DYNC1I2: variants seen among roughly 807,000 people sequenced by gnomAD.
DYNC1I2 encodes cytoplasmic dynein 1 intermediate chain 2.
A neutral mutation model predicts 88.6 loss-of-function variants in DYNC1I2; 53 were observed. The observed-to-expected ratio is 0.60, with a 90% CI of 0.48 to 0.75. DYNC1I2 has a LOEUF of 0.75. DYNC1I2 is among the 30% of genes least tolerant of loss of function. DYNC1I2 has a pLI of 0.00. For synonymous variants in DYNC1I2, 198 were observed against 254.6 expected (o/e 0.78, Z 2.12); for missense variants, 458 against 766.6 (o/e 0.60, Z 4.75).
At chr2:171,694,222 A>T (rs1215200679) in intron 3 of DYNC1I2, among the ~76,000 whole-genome samples, 1 of 151,956 alleles carries the variant, frequency 6.6e-6, no homozygotes, top group Non-Finnish European at 1.5e-5. Flanking sequence ...CTTTTAGTAG[A>T]GACAGGGTTT....
intron 6 of DYNC1I2, among the ~76,000 whole-genome samples, chr2:171,714,891 G>T (rs1039424749): frequency 6.6e-6 from 1 of 151,974 alleles, no homozygotes; most frequent in Admixed American, 6.5e-5. Context: ...TTTTTCAGTC[G>T]TAAAGCTGAA....
rs542411687 is a variant in DYNC1I2, at chr2:171,747,182, G to A, written c.1804-594G>A. Among the ~76,000 whole-genome samples the A allele has an allele frequency of 2.0e-3, 245 of 125,346 alleles. 1 individual carries two copies. Among genetic ancestry groups the A allele is most frequent in the South Asian group, 9.1e-3 (35 of 3,864 alleles). The allele number at this position is 125,346 out of a possible 152,430, so 82.2% of individuals were successfully genotyped here. A position where few individuals can be genotyped will look rare whatever the true frequency, so the allele number is the denominator to read the frequency against. On this transcript the variant is annotated intron_variant, in intron 17 of 17. Transcript: ENST00000397119. ...GCACTCCAGCCTGGGCAACAGAGTG[G>A]GACTGTCTCAAAAAAAAAAAAAAAT...
At chr2:171,740,286 T>G in intron 15 of DYNC1I2, among the ~76,000 whole-genome samples, 1 of 152,228 alleles carries the variant, frequency 6.6e-6, no homozygotes, top group East Asian at 1.9e-4. Context: ...TTTGGTCATC[T>G]GAAGCTCATT....
rs768066365 is a variant in DYNC1I2 at position 171,748,911 on chromosome 2, G to C, written c.*1022G>C. 1.3e-5 allele frequency among the ~76,000 whole-genome samples: 2 copies of C among 152,192 alleles called. No individual in the cohort carries two copies. The highest frequency in any genetic ancestry group is 2.4e-5 in the African/African-American group (1 of 41,456). On this transcript the variant is annotated 3_prime_UTR_variant, in exon 18 of 18. Coordinates refer to ENST00000397119, the MANE Select transcript of DYNC1I2 (RefSeq NM_001378.3). ...GTAGGTGACAAATATCTAAGAATCA[G>C]TATTGAAATCAGTGAATTTCAGGAA...
chr2:171,699,812 A>C (rs956236298), intron 3 of DYNC1I2, among the ~76,000 whole-genome samples: 1 of 150,916 alleles, frequency 6.6e-6, no homozygotes, highest in African/African-American at 2.4e-5. Context: ...AGTTTAAAAA[A>C]TTTTTTTTTG....
chr2:171,717,269 A>T (rs991434846), intron 7 of DYNC1I2, among the ~76,000 whole-genome samples: 1 of 149,908 alleles, frequency 6.7e-6, no homozygotes, highest in Non-Finnish European at 1.5e-5. Context: ...GCCTGCCACC[A>T]CGCCCGGCTA....
intron 6 of DYNC1I2, 114 bp from the exon 7 acceptor site, chr2:171,715,214 T>C (rs1488337627): frequency 1.7e-5 from 10 of 591,930 alleles, no homozygotes; most frequent in African/African-American, 7.5e-5. Context: ...ATTTCTTGAA[T>C]AAAATGGATT....
chr2:171,741,806 G>A (rs998632575), intron 15 of DYNC1I2, among the ~76,000 whole-genome samples: 35 of 152,102 alleles, frequency 2.3e-4, no homozygotes, highest in African/African-American at 7.0e-4. Context: ...TTTTGGCCAG[G>A]CACGGTGGCT....
At chr2:171,728,112 T>A in intron 12 of DYNC1I2, 145 bp downstream of exon 12, 1 of 1,081,964 alleles carries the variant, frequency 9.2e-7, no homozygotes, top group Non-Finnish European at 1.3e-6. Context: ...GAATGAAGGC[T>A]ATTTTTTTTT....
intron 4 of DYNC1I2, 78 bp downstream of exon 4, chr2:171,706,642 G>T (rs1574537037): frequency 1.5e-6 from 2 of 1,354,008 alleles, no homozygotes; most frequent in East Asian, 4.7e-5. Context: ...TAGAAGGCAT[G>T]CTGTTTTATT....
chr2:171,710,173 A>G (rs951998096), intron 5 of DYNC1I2, among the ~76,000 whole-genome samples: 4 of 151,614 alleles, frequency 2.6e-5, no homozygotes, highest in African/African-American at 9.7e-5. Context: ...ACAGAGTAAT[A>G]GAAAATGATG....
intron 7 of DYNC1I2, among the ~76,000 whole-genome samples, chr2:171,716,158 T>C (rs1248724255): frequency 1.3e-5 from 2 of 152,166 alleles, no homozygotes; most frequent in African/African-American, 4.8e-5. Context: ...TCACAGTGTC[T>C]TTTCTGAAGC....
At chr2:171,696,498 T>A (rs1420792919) in intron 3 of DYNC1I2, among the ~76,000 whole-genome samples, 5 of 152,214 alleles carry the variant, frequency 3.3e-5, no homozygotes, top group African/African-American at 7.2e-5. Flanking sequence ...TGGTCTTTTT[T>A]AAAAAGAAAT....
intron 15 of DYNC1I2, 62 bp downstream of exon 15, chr2:171,729,915 A>G (rs1688497632): frequency 6.4e-7 from 1 of 1,570,638 alleles, no homozygotes; most frequent in Non-Finnish European, 8.7e-7. Context: ...GTGATCTAAT[A>G]CTACATAGGA....
intron 3 of DYNC1I2, among the ~76,000 whole-genome samples, chr2:171,702,058 G>A (rs1444077098): frequency 6.6e-6 from 1 of 152,122 alleles, no homozygotes; most frequent in Non-Finnish European, 1.5e-5. Flanking sequence ...ATATCTATTT[G>A]AAATTTTCAA....
chr2:171,714,904 C>A (rs957616235), intron 6 of DYNC1I2, among the ~76,000 whole-genome samples: 1 of 152,138 alleles, frequency 6.6e-6, no homozygotes, highest in African/African-American at 2.4e-5. Flanking sequence ...AAGCTGAATT[C>A]TCCTAGTGGC....
chr2:171,733,770 T>G (rs755691370), intron 15 of DYNC1I2, among the ~76,000 whole-genome samples: 1,599 of 151,728 alleles, frequency 0.011, 13 homozygotes, highest in Non-Finnish European at 0.015. Flanking sequence ...GTTTTTTTGT[T>G]TTTGTTTTTT....
chr2:171,742,955 C>T lies in DYNC1I2; in HGVS notation c.1537-1094C>T, dbSNP rs147178200. Reference sequence around the variant, plus strand: ...GAACTTACTTATACTGCACTGTAGTCTGCTTGCATTTACAGTTGACCCTTG... The same window carrying T: ...GAACTTACTTATACTGCACTGTAGTTTGCTTGCATTTACAGTTGACCCTTG... On this transcript the variant is annotated intron_variant, in intron 15 of 17. Coordinates refer to ENST00000397119, the MANE Select transcript of DYNC1I2 (RefSeq NM_001378.3). Among the ~76,000 whole-genome samples, 117 of 152,248 alleles carry T rather than the reference C, an allele frequency of 7.7e-4. 1 individual carries two copies. The highest frequency in any genetic ancestry group is 3.4e-3 in the Middle Eastern group (1 of 294).
At chr2:171,688,096 G>C (rs983800470) in intron 1 of DYNC1I2, 3 of 152,284 alleles carry the variant, frequency 2.0e-5, no homozygotes, top group African/African-American at 7.2e-5. Context: ...AGGCTTGTCC[G>C]GCGCCCACTG....
Sources: allele counts gnomAD v4.1 joint callset (sites outside exome capture counted in the v4.1 genomes callset), GRCh38; gene constraint gnomAD v4.1.1; transcripts MANE v1.5; gene names NCBI Gene and HGNC (gene_info 2026-07-23, HGNC 2026-07-21).